FBXO15: variants seen among roughly 807,000 people sequenced by gnomAD.
The protein encoded by FBXO15 is F-box protein 15.
FBXO15 carries 30 observed loss-of-function variants against 49.5 expected under a neutral mutation model. The ratio of observed to expected loss-of-function variants is 0.61; its 90% confidence interval spans 0.45 to 0.82. The LOEUF is 0.82. Ranked by LOEUF, FBXO15 falls within the 40% of genes least tolerant of loss-of-function variation. FBXO15 has a pLI of 0.00. For missense variants in FBXO15, 591 were observed against 631.5 expected, an observed-to-expected ratio of 0.94 and a Z score of 0.69; for synonymous variants, 250 against 232.7, an observed-to-expected ratio of 1.07 and a Z score of -0.68.
chr18:74,113,673 T>C (rs1914121701), intron 8 of FBXO15, among the ~76,000 whole-genome samples: 1 of 152,212 alleles, frequency 6.6e-6, no homozygotes, highest in Non-Finnish European at 1.5e-5. Context: ...TCCCTTAGAT[T>C]CTTTAGTATT....
At chr18:74,135,497 C>T (rs1017611269) in intron 3 of FBXO15, among the ~76,000 whole-genome samples, 19 of 152,230 alleles carry the variant, frequency 1.2e-4, no homozygotes, top group Non-Finnish European at 2.6e-4. Context: ...GCGAAGACCT[C>T]CTGGCAACAG....
intron 8 of FBXO15, among the ~76,000 whole-genome samples, chr18:74,118,282 C>T (rs1268741485): frequency 6.6e-6 from 1 of 151,946 alleles, no homozygotes; most frequent in Non-Finnish European, 1.5e-5. Context: ...CAAACATGAG[C>T]CACCACACCA....
intron 8 of FBXO15, among the ~76,000 whole-genome samples, chr18:74,090,436 C>A (rs902533640): frequency 6.6e-6 from 1 of 152,042 alleles, no homozygotes; most frequent in African/African-American, 2.4e-5. Flanking sequence ...TATCTCTTGT[C>A]TTCTGCTAAC....
At chr18:74,082,276 A>G (rs1257629180) in intron 8 of FBXO15, among the ~76,000 whole-genome samples, 2 of 152,176 alleles carry the variant, frequency 1.3e-5, no homozygotes, top group African/African-American at 4.8e-5. Context: ...GGTGATGTCA[A>G]AGGTGAGTCA....
chr18:74,100,651 T>C (rs1248439640), intron 8 of FBXO15, among the ~76,000 whole-genome samples: 1 of 151,830 alleles, frequency 6.6e-6, no homozygotes, highest in East Asian at 1.9e-4. Flanking sequence ...ATAAATAAAA[T>C]TGATAGACCA....
intron 8 of FBXO15, among the ~76,000 whole-genome samples, chr18:74,089,821 G>A (rs1912939071): frequency 6.6e-6 from 1 of 152,152 alleles, no homozygotes; most frequent in South Asian, 2.1e-4. Flanking sequence ...CAGTTTGCTA[G>A]TATTTTGTTG....
intron 8 of FBXO15, among the ~76,000 whole-genome samples, chr18:74,119,323 T>A (rs1303029615): frequency 6.6e-6 from 1 of 152,208 alleles, no homozygotes; most frequent in Non-Finnish European, 1.5e-5. Context: ...GCCCCTCAAC[T>A]GCATGGCCTT....
chr18:74,093,149 G>A (rs1385200044), intron 8 of FBXO15, among the ~76,000 whole-genome samples: 4 of 152,050 alleles, frequency 2.6e-5, no homozygotes, highest in African/African-American at 7.2e-5. Flanking sequence ...AGCAACAGGC[G>A]GGTGGTGGGT....
At chr18:74,139,976 C>T (rs1273577966) in intron 2 of FBXO15, among the ~76,000 whole-genome samples, 1 of 152,182 alleles carries the variant, frequency 6.6e-6, no homozygotes, top group African/African-American at 2.4e-5. Flanking sequence ...AAGGAAAATT[C>T]AATTTACTTG....
intron 8 of FBXO15, among the ~76,000 whole-genome samples, chr18:74,104,081 T>C (rs1283855685): frequency 1.3e-5 from 2 of 152,114 alleles, no homozygotes; most frequent in Non-Finnish European, 2.9e-5. Context: ...AGGAGATAGG[T>C]AATATAAAAA....
chr18:74,110,287 T>C (rs1382916873), intron 8 of FBXO15, among the ~76,000 whole-genome samples: 1 of 150,938 alleles, frequency 6.6e-6, no homozygotes, highest in Non-Finnish European at 1.5e-5. Context: ...ATTTTGTTAT[T>C]ATAAGGTATT....
At chr18:74,088,509 G>T (rs1208356977) in intron 8 of FBXO15, among the ~76,000 whole-genome samples, 2 of 152,160 alleles carry the variant, frequency 1.3e-5, no homozygotes, top group African/African-American at 4.8e-5. Flanking sequence ...TCAGATGGTT[G>T]TAGGTGTGTG....
At chr18:74,141,203 C>T (rs985075963) in intron 1 of FBXO15, among the ~76,000 whole-genome samples, 1 of 152,084 alleles carries the variant, frequency 6.6e-6, no homozygotes, top group African/African-American at 2.4e-5. Context: ...AAGATCAGTC[C>T]TCAAAACCAG....
chr18:74,080,941 G>A (rs942504413), intron 9 of FBXO15, among the ~76,000 whole-genome samples: 2 of 152,124 alleles, frequency 1.3e-5, no homozygotes, highest in African/African-American at 2.4e-5. Context: ...ATTTTGACGT[G>A]AATATTTTAT....
At chr18:74,088,788 T>C (rs970658486) in intron 8 of FBXO15, among the ~76,000 whole-genome samples, 6 of 152,204 alleles carry the variant, frequency 3.9e-5, no homozygotes, top group Non-Finnish European at 8.8e-5. Context: ...TATAAATTAC[T>C]TTAGGCAGTC....
At chr18:74,087,285 T>C (rs1362617274) in intron 8 of FBXO15, among the ~76,000 whole-genome samples, 2 of 152,142 alleles carry the variant, frequency 1.3e-5, no homozygotes, top group Non-Finnish European at 2.9e-5. Context: ...AGGTTTGTTA[T>C]ATAGGTAAAC....
chr18:74,089,856 A>G (rs767980676), intron 8 of FBXO15, among the ~76,000 whole-genome samples: 1 of 152,106 alleles, frequency 6.6e-6, no homozygotes, highest in Non-Finnish European at 1.5e-5. Context: ...TATGTTCATC[A>G]AGGATATTGG....
chr18:74,121,484 C>T (rs1159815672), intron 8 of FBXO15, among the ~76,000 whole-genome samples: 2 of 152,228 alleles, frequency 1.3e-5, no homozygotes, highest in Non-Finnish European at 2.9e-5. Context: ...AGATGTTCCA[C>T]ATTCTTGGAT....
intron 5 of FBXO15, among the ~76,000 whole-genome samples, chr18:74,126,605 C>T (rs905417267): frequency 1.3e-5 from 2 of 152,190 alleles, no homozygotes; most frequent in East Asian, 1.9e-4. Flanking sequence ...AAAGTTGACA[C>T]ATCAGAAATA....
Sources: gnomAD v4.1 joint callset for allele counts (sites outside exome capture counted in the v4.1 genomes callset) on GRCh38, gnomAD v4.1.1 for gene constraint, MANE v1.5 for transcripts, NCBI Gene and HGNC (gene_info 2026-07-23, HGNC 2026-07-21) for gene names.